Variants in SBF2 observed in about 807,000 individuals in gnomAD.
The protein encoded by SBF2 is myotubularin-related protein 13.
SBF2 carries 112 observed loss-of-function variants against 225.2 expected under a neutral mutation model. That is an observed-to-expected ratio of 0.50 (90% CI 0.43 to 0.58). The LOEUF is 0.58. Among genes scored for constraint, SBF2 ranks in the 20% least tolerant of loss-of-function variants. The pLI is 0.00. For synonymous variants in SBF2, 763 were observed against 773.3 expected, an observed-to-expected ratio of 0.99 and a Z score of 0.22; for missense variants, 1,996 against 2,206.2, an observed-to-expected ratio of 0.90 and a Z score of 1.91.
chr11:9,899,770 T>A (rs1024611197), intron 16 of SBF2, among the ~76,000 whole-genome samples: 1 of 152,068 alleles, frequency 6.6e-6, no homozygotes, highest in Non-Finnish European at 1.5e-5. Context: ...GAAAACATCA[T>A]AAAAAGCAAA....
At chr11:9,839,455 AAAGG>A (rs1564900635) in intron 26 of SBF2, 39 bp downstream of exon 26, 1 of 1,578,964 alleles carries the variant, frequency 6.3e-7, no homozygotes, top group Non-Finnish European at 8.7e-7. Context: ...AAATAAGAAG[AAAGG>A]AAGGAAGACC....
chr11:10,049,224 G>T (rs1565172943), intron 2 of SBF2, among the ~76,000 whole-genome samples: 1 of 152,168 alleles, frequency 6.6e-6, no homozygotes, highest in African/African-American at 2.4e-5. Flanking sequence ...TTTTGGAAAA[G>T]ATGGTTATTT....
At chr11:9,938,116 C>A (rs1865013059) in intron 16 of SBF2, among the ~76,000 whole-genome samples, 1 of 151,796 alleles carries the variant, frequency 6.6e-6, no homozygotes, top group Admixed American at 6.6e-5. Context: ...ACAGTGAAAC[C>A]CCGTCTCCAC....
intron 2 of SBF2, among the ~76,000 whole-genome samples, chr11:10,173,030 C>T (rs1346817341): frequency 6.6e-6 from 1 of 152,170 alleles, no homozygotes; most frequent in Non-Finnish European, 1.5e-5. Context: ...TGTTTAATTT[C>T]CATGTGTTTG....
chr11:10,285,366 G>T (rs1220316117), intron 1 of SBF2, among the ~76,000 whole-genome samples: 1 of 151,782 alleles, frequency 6.6e-6, no homozygotes, highest in Non-Finnish European at 1.5e-5. Flanking sequence ...GAGGAAAAAG[G>T]GAGGGAGGGA....
chr11:10,065,457 A>G (rs903884554), intron 2 of SBF2, among the ~76,000 whole-genome samples: 18 of 152,166 alleles, frequency 1.2e-4, no homozygotes, highest in African/African-American at 4.1e-4. Flanking sequence ...TAAAAAATCA[A>G]CTAAAGCAAA....
chr11:9,915,012 A>G (rs546740607), intron 16 of SBF2, among the ~76,000 whole-genome samples: 2 of 152,306 alleles, frequency 1.3e-5, no homozygotes, highest in Non-Finnish European at 2.9e-5. Flanking sequence ...AATAAAGTCT[A>G]TTAAAAAGAA....
intron 16 of SBF2, among the ~76,000 whole-genome samples, chr11:9,938,613 T>A (rs1008859369): frequency 6.6e-6 from 1 of 152,102 alleles, no homozygotes; most frequent in Non-Finnish European, 1.5e-5. Flanking sequence ...AAAAATCCAA[T>A]ACATGACAAA....
chr11:10,216,316 C>A (rs1565363946), intron 1 of SBF2, among the ~76,000 whole-genome samples: 1 of 152,198 alleles, frequency 6.6e-6, no homozygotes, highest in South Asian at 2.1e-4. Flanking sequence ...TTTCCTTACA[C>A]TGAGTCAAAA....
At chr11:10,048,902 A>C (rs1296415579) in intron 2 of SBF2, among the ~76,000 whole-genome samples, 1 of 152,228 alleles carries the variant, frequency 6.6e-6, no homozygotes, top group Non-Finnish European at 1.5e-5. Flanking sequence ...TGTAACCATA[A>C]GAAAAGTTCA....
chr11:9,866,700 AC>A (rs1234602212), intron 17 of SBF2, among the ~76,000 whole-genome samples: 5 of 152,240 alleles, frequency 3.3e-5, no homozygotes. Context: ...CTCAAAAAGC[AC>A]AGGCAACAAA....
At chr11:10,113,273 C>T (rs538239993) in intron 2 of SBF2, among the ~76,000 whole-genome samples, 4 of 152,278 alleles carry the variant, frequency 2.6e-5, no homozygotes, top group African/African-American at 9.6e-5. Context: ...GGATTACAGG[C>T]GTGAGCCACC....
At chr11:9,841,347 T>C (rs1043258844) in intron 25 of SBF2, among the ~76,000 whole-genome samples, 2 of 152,142 alleles carry the variant, frequency 1.3e-5, no homozygotes, top group African/African-American at 4.8e-5. Flanking sequence ...GAAGAGTCAA[T>C]AGTGATGGGT....
chr11:10,274,889 AGTAT>A (rs1401433367), intron 1 of SBF2, among the ~76,000 whole-genome samples: 2 of 152,240 alleles, frequency 1.3e-5, no homozygotes, highest in Non-Finnish European at 2.9e-5. Context: ...ATTTTTAACA[AGTAT>A]GTATTACTAC....
Position 10,001,093 on chromosome 11 carries a change from CTG to C in SBF2, c.753-73_753-72del, listed in dbSNP as rs111241518. On this transcript the variant is annotated intron_variant, in intron 7 of 39. Transcript: ENST00000256190. Reference sequence around the variant, plus strand: ...AAACATATCTTCTTTCATCTTTATGCTGTGTTAAGTTTTATATTACCTATGTT... The same window carrying C: ...AAACATATCTTCTTTCATCTTTATGCTGTTAAGTTTTATATTACCTATGTT... 4.7e-4 allele frequency: 391 copies of C among 830,060 alleles called. 4 individuals carry two copies. In the African/African-American group the frequency reaches 5.6e-3, roughly 12 times the overall value. 51.4% of individuals were successfully genotyped at this position (830,060 alleles called of 1,614,324 possible).
chr11:10,204,745 C>T (rs1039214411), intron 1 of SBF2, among the ~76,000 whole-genome samples: 7 of 151,444 alleles, frequency 4.6e-5, no homozygotes, highest in Non-Finnish European at 5.9e-5. Flanking sequence ...AGAAACCAAA[C>T]GCAAAAGGCT....
chr11:9,915,247 G>C (rs1157246748), intron 16 of SBF2, among the ~76,000 whole-genome samples: 1 of 151,930 alleles, frequency 6.6e-6, no homozygotes, highest in Admixed American at 6.6e-5. Flanking sequence ...AAGAGATTGA[G>C]ACGGTCCTGG....
chr11:10,142,534 A>G (rs1954692652), intron 2 of SBF2, among the ~76,000 whole-genome samples: 1 of 152,222 alleles, frequency 6.6e-6, no homozygotes, highest in Admixed American at 6.5e-5. Context: ...CTTTTCTCAA[A>G]GAAGAGTTTA....
chr11:10,217,812 T>TA (rs994563440), intron 1 of SBF2, among the ~76,000 whole-genome samples: 13 of 152,096 alleles, frequency 8.5e-5, no homozygotes, highest in South Asian at 2.1e-4. Context: ...TTAATTTATT[T>TA]AAAAAAAAGA....
Sources: allele counts gnomAD v4.1 joint callset (sites outside exome capture counted in the v4.1 genomes callset), GRCh38; gene constraint gnomAD v4.1.1; transcripts MANE v1.5; gene names NCBI Gene and HGNC (gene_info 2026-07-23, HGNC 2026-07-21).